Variants in TBC1D5 observed in about 807,000 individuals in gnomAD.
The protein encoded by TBC1D5 is TBC1 domain family, member 5.
A neutral mutation model predicts 100.3 loss-of-function variants in TBC1D5; 75 were observed. The ratio of observed to expected loss-of-function variants is 0.75; its 90% CI spans 0.62 to 0.91. The LOEUF is 0.91. Ranked by LOEUF, TBC1D5 falls within the 40% of genes least tolerant of loss-of-function variation. The pLI is 0.00. For missense variants in TBC1D5, 910 were observed against 942.4 expected, an observed-to-expected ratio of 0.97 and a Z score of 0.45; for synonymous variants, 323 against 325.6, an observed-to-expected ratio of 0.99 and a Z score of 0.09.
At chr3:17,304,220 C>T (rs1006579129) in intron 14 of TBC1D5, among the ~76,000 whole-genome samples, 1 of 151,992 alleles carries the variant, frequency 6.6e-6, no homozygotes, top group Non-Finnish European at 1.5e-5. Context: ...AATCATTTTA[C>T]TCAAAAAATA....
In TBC1D5 at chr3:17,649,104, A is replaced by G. The variant is rs183195004; in HGVS notation, c.-100-25191T>C. Among the ~76,000 whole-genome samples the G allele has an allele frequency of 1.4e-3, 206 of 152,350 alleles. 2 individuals are homozygous for G. The highest frequency in any genetic ancestry group is 0.013 in the Admixed American group (194 of 15,288). ...AATGCCCATCAGTGACAGATTGGAT[A>G]AAGAAAATATGGTACATATACACAA... On this transcript the variant is annotated intron_variant, in intron 1 of 21. Transcript: ENST00000253692.
At chr3:17,452,478 G>C (rs1476260321) in intron 3 of TBC1D5, among the ~76,000 whole-genome samples, 2 of 152,036 alleles carry the variant, frequency 1.3e-5, no homozygotes, top group African/African-American at 4.8e-5. Flanking sequence ...AAAATAAATG[G>C]ATGGAAAAAG....
intron 2 of TBC1D5, among the ~76,000 whole-genome samples, chr3:17,604,868 G>T (rs1363915445): frequency 6.6e-6 from 1 of 152,086 alleles, no homozygotes; most frequent in African/African-American, 2.4e-5. Context: ...TAGAGACAGG[G>T]TTTCACCATG....
chr3:17,381,633 T>A (rs1298910357), intron 9 of TBC1D5, among the ~76,000 whole-genome samples: 1 of 152,070 alleles, frequency 6.6e-6, no homozygotes, highest in Non-Finnish European at 1.5e-5. Flanking sequence ...TCTTCTGCTA[T>A]TTGCTCCCAA....
chr3:17,181,226 CA>C (rs758625162), intron 19 of TBC1D5, among the ~76,000 whole-genome samples: 8 of 152,194 alleles, frequency 5.3e-5, no homozygotes, highest in Non-Finnish European at 1.2e-4. Context: ...CGTTTTGCAT[CA>C]TTTGATAGAG....
At chr3:17,603,668 C>A (rs1320930606) in intron 2 of TBC1D5, among the ~76,000 whole-genome samples, 3 of 152,002 alleles carry the variant, frequency 2.0e-5, no homozygotes, top group African/African-American at 7.2e-5. Context: ...TTTTATTCTG[C>A]CGGCGGCGGG....
chr3:17,160,895 G>A (rs1401742441), exon 22 of TBC1D5: 23 of 1,537,630 alleles, frequency 1.5e-5, no homozygotes, highest in Non-Finnish European at 1.9e-5. Flanking sequence ...CACTGGATGA[G>A]CCTCAGTCTG....
intron 19 of TBC1D5, among the ~76,000 whole-genome samples, chr3:17,170,534 T>C (rs1416294542): frequency 6.6e-6 from 1 of 152,202 alleles, no homozygotes; most frequent in Non-Finnish European, 1.5e-5. Context: ...GATAGTCTGC[T>C]GTGGAACACA....
At chr3:17,604,120 CTTTGT>C (rs1421888193) in intron 2 of TBC1D5, among the ~76,000 whole-genome samples, 1 of 151,826 alleles carries the variant, frequency 6.6e-6, no homozygotes, top group African/African-American at 2.4e-5. Context: ...TAGCTAATTT[CTTTGT>C]TTTGTTTTGT....
In TBC1D5 at chr3:17,206,575, A is replaced by AT. The variant is rs1267280780; in HGVS notation, c.1752+7631dup. ...CAAATTATATTTGTATGACCATAGT[A>AT]TACGTTCAAACTACCAAAGGGCAAT... On this transcript the variant is annotated intron_variant, in intron 18 of 21. Coordinates refer to ENST00000253692, the Ensembl canonical transcript of TBC1D5. Among the ~76,000 whole-genome samples, 4 of 152,350 alleles carry AT rather than the reference A, an allele frequency of 2.6e-5. 1 individual carries two copies. The highest frequency in any genetic ancestry group is 4.1e-4 in the South Asian group (2 of 4,832).
intron 2 of TBC1D5, among the ~76,000 whole-genome samples, chr3:17,540,905 CAAAAAAAAAAAAA>C (rs71634807): frequency 8.9e-4 from 28 of 31,462 alleles, no homozygotes; most frequent in African/African-American, 3.4e-3. Flanking sequence ...GGCTCCATCT[CAAAAAAAAAAAAA>C]AAAAAAAAAA....
chr3:17,321,964 C>T (rs2085463245), intron 13 of TBC1D5, among the ~76,000 whole-genome samples: 1 of 152,162 alleles, frequency 6.6e-6, no homozygotes, highest in Admixed American at 6.5e-5. Context: ...TCTTACTTTA[C>T]AGTGAGTCTG....
intron 13 of TBC1D5, among the ~76,000 whole-genome samples, chr3:17,363,881 A>G (rs2091919567): frequency 6.6e-6 from 1 of 151,946 alleles, no homozygotes; most frequent in African/African-American, 2.4e-5. Context: ...TTTATTCTTC[A>G]TATTATTTCT....
At position 17,530,339 on chromosome 3, in the gene TBC1D5, G is replaced by T. The variant is rs553633638; in HGVS notation, c.-35-21734C>A. 3.3e-5 allele frequency among the ~76,000 whole-genome samples: 5 copies of T among 151,642 alleles called. No homozygotes were observed. In the East Asian group the frequency reaches 9.7e-4, roughly 29 times the overall value. On this transcript the variant is annotated intron_variant, in intron 2 of 21. Coordinates refer to ENST00000253692, the Ensembl canonical transcript of TBC1D5. ...CAAATACACCTAGATTGAAAATATCGATGGGGGGTTGGGGGGTGGTTACAA... is the reference window on the plus strand; with the variant it reads ...CAAATACACCTAGATTGAAAATATCTATGGGGGGTTGGGGGGTGGTTACAA...
chr3:17,664,687 A>G (rs4243835), intron 1 of TBC1D5, among the ~76,000 whole-genome samples: 86,830 of 151,970 alleles, frequency 0.57, 25,634 homozygotes, highest in East Asian at 0.99. Context: ...AAAACAAAGC[A>G]AACACATTAT....
At chr3:17,646,156 AGAT>A (rs1219780232) in intron 1 of TBC1D5, among the ~76,000 whole-genome samples, 1 of 151,860 alleles carries the variant, frequency 6.6e-6, no homozygotes, top group Admixed American at 6.6e-5. Context: ...CTCAGAGGGA[AGAT>A]TAGGTGGAGA....
At chr3:17,380,331 C>G (rs1157824341) in intron 9 of TBC1D5, among the ~76,000 whole-genome samples, 1 of 151,884 alleles carries the variant, frequency 6.6e-6, no homozygotes, top group Non-Finnish European at 1.5e-5. Flanking sequence ...TTTTGACTTT[C>G]ATCTAAACTA....
chr3:17,628,903 T>C (rs1026874360), intron 1 of TBC1D5, among the ~76,000 whole-genome samples: 3 of 152,244 alleles, frequency 2.0e-5, no homozygotes, highest in Admixed American at 6.5e-5. Flanking sequence ...AACTCAGTGA[T>C]AATAAATATG....
intron 8 of TBC1D5, among the ~76,000 whole-genome samples, chr3:17,397,092 C>T (rs1443803378): frequency 6.6e-6 from 1 of 151,930 alleles, no homozygotes; most frequent in Non-Finnish European, 1.5e-5. Flanking sequence ...GCCACATATG[C>T]CTGGTATCTA....
Sources: allele counts gnomAD v4.1 joint callset (sites outside exome capture counted in the v4.1 genomes callset), GRCh38; gene constraint gnomAD v4.1.1; transcripts MANE v1.5; gene names NCBI Gene and HGNC (gene_info 2026-07-23, HGNC 2026-07-21).